Variants in CCDC85A observed in about 807,000 individuals in gnomAD.
CCDC85A encodes coiled-coil domain-containing protein 85A.
In CCDC85A, 38 loss-of-function variants were observed where a neutral mutation model predicts 50.2. The observed-to-expected ratio is 0.76, with a 90% CI of 0.58 to 0.99. The LOEUF (loss-of-function observed/expected upper bound fraction) is 0.99. CCDC85A is among the 50% of genes least tolerant of loss of function. CCDC85A has a pLI of 0.00. For missense variants in CCDC85A, 820 were observed against 742.0 expected (o/e 1.11, Z -1.22); for synonymous variants, 366 against 301.4 (o/e 1.21, Z -2.22).
intron 2 of CCDC85A, among the ~76,000 whole-genome samples, chr2:56,267,193 C>T (rs1262434772): frequency 6.6e-6 from 1 of 152,078 alleles, no homozygotes; most frequent in Non-Finnish European, 1.5e-5. Flanking sequence ...CAATTAACTC[C>T]TCCTCTTCCA....
intron 2 of CCDC85A, among the ~76,000 whole-genome samples, chr2:56,227,646 C>T (rs1252640030): frequency 1.3e-5 from 2 of 152,058 alleles, no homozygotes; most frequent in South Asian, 2.1e-4. Flanking sequence ...TATTATAGCC[C>T]ACAAACCCTG....
chr2:56,278,273 T>A (rs1175406990), intron 2 of CCDC85A, among the ~76,000 whole-genome samples: 1 of 149,892 alleles, frequency 6.7e-6, no homozygotes, highest in Non-Finnish European at 1.5e-5. Context: ...TGAACTGGAC[T>A]TTTTTTTTTC....
At chr2:56,356,731 G>GGAA (rs397723056) in intron 3 of CCDC85A, among the ~76,000 whole-genome samples, 3 of 104,336 alleles carry the variant, frequency 2.9e-5, no homozygotes, top group Non-Finnish European at 2.0e-5. Flanking sequence ...CCATCTCAAG[G>GGAA]AAAAAAAAAA....
chr2:56,251,621 A>T (rs1006768670), intron 2 of CCDC85A, among the ~76,000 whole-genome samples: 1 of 151,748 alleles, frequency 6.6e-6, no homozygotes, highest in Non-Finnish European at 1.5e-5. Context: ...TTGCTGTCTC[A>T]GTGGCAGCTC....
chr2:56,326,893 C>A (rs1673500956), intron 2 of CCDC85A, among the ~76,000 whole-genome samples: 2 of 151,344 alleles, frequency 1.3e-5, no homozygotes, highest in Non-Finnish European at 2.9e-5. Context: ...TTTAAGCATA[C>A]AGAGTTTAGG....
At chr2:56,357,594 C>G (rs1206536089) in intron 3 of CCDC85A, among the ~76,000 whole-genome samples, 1 of 145,580 alleles carries the variant, frequency 6.9e-6, no homozygotes, top group Non-Finnish European at 1.5e-5. Context: ...TGTTCAGTAT[C>G]TTAAGTCTTT....
At chr2:56,206,864 G>T (rs751483559) in intron 2 of CCDC85A, among the ~76,000 whole-genome samples, 2 of 152,224 alleles carry the variant, frequency 1.3e-5, no homozygotes, top group African/African-American at 2.4e-5. Context: ...TCTTGTAAAG[G>T]TTATGCTGAA....
At chr2:56,330,443 T>TATAATG (rs1164757625) in intron 2 of CCDC85A, among the ~76,000 whole-genome samples, 2 of 152,218 alleles carry the variant, frequency 1.3e-5, no homozygotes, top group Non-Finnish European at 2.9e-5. Context: ...AATAATTGCT[T>TATAATG]CAAACTGTCC....
At chr2:56,265,424 A>G (rs1670396565) in intron 2 of CCDC85A, among the ~76,000 whole-genome samples, 1 of 82,874 alleles carries the variant, frequency 1.2e-5, no homozygotes, top group South Asian at 4.4e-4. Context: ...AAAAGGGCAA[A>G]GGACCTGAGT....
At position 56,314,972 on chromosome 2, in the gene CCDC85A, T is replaced by C. The variant is rs1450528822; in HGVS notation, c.1241-27907T>C. 2.6e-5 allele frequency among the ~76,000 whole-genome samples: 4 copies of C among 152,164 alleles called. No homozygotes were observed. In the East Asian group the frequency reaches 7.7e-4, roughly 29 times the overall value. On this transcript the variant is annotated intron_variant, in intron 2 of 5. Coordinates refer to ENST00000407595, the MANE Select transcript of CCDC85A (RefSeq NM_001080433.2). Reference sequence around the variant, plus strand: ...TGTTCCTCCTTCCCTTCCCAGAGCCTGGTGTTGGTCTTAAAGTCAGCCTCC... The same window carrying C: ...TGTTCCTCCTTCCCTTCCCAGAGCCCGGTGTTGGTCTTAAAGTCAGCCTCC...
intron 2 of CCDC85A, among the ~76,000 whole-genome samples, chr2:56,231,643 G>T (rs909463433): frequency 2.0e-5 from 3 of 152,020 alleles, no homozygotes; most frequent in African/African-American, 7.2e-5. Context: ...TTTTTTAATG[G>T]GGTGCCTAAA....
chr2:56,343,404 G>A (rs1674472374), intron 3 of CCDC85A, among the ~76,000 whole-genome samples: 1 of 152,216 alleles, frequency 6.6e-6, no homozygotes, highest in South Asian at 2.1e-4. Flanking sequence ...AAAATTCTTT[G>A]TGGTATAATT....
chr2:56,361,181 G>C (rs1573339897), intron 3 of CCDC85A, among the ~76,000 whole-genome samples: 2 of 152,210 alleles, frequency 1.3e-5, no homozygotes, highest in South Asian at 4.2e-4. Flanking sequence ...GCGAACCCAG[G>C]AGGCGGAGCT....
At chr2:56,188,289 T>C (rs773636550) in intron 1 of CCDC85A, among the ~76,000 whole-genome samples, 23 of 152,192 alleles carry the variant, frequency 1.5e-4, no homozygotes, top group Non-Finnish European at 2.9e-4. Context: ...CAGAACTGAA[T>C]AGTAAATAAT....
chr2:56,205,732 A>G (rs1013966564), intron 2 of CCDC85A, among the ~76,000 whole-genome samples: 1 of 152,192 alleles, frequency 6.6e-6, no homozygotes, highest in Admixed American at 6.5e-5. Flanking sequence ...GAGAATAAAC[A>G]CATACTCATT....
chr2:56,336,242 C>T (rs1394863427), intron 2 of CCDC85A, among the ~76,000 whole-genome samples: 1 of 152,120 alleles, frequency 6.6e-6, no homozygotes, highest in Non-Finnish European at 1.5e-5. Context: ...GCAACCTCCA[C>T]CTCCCAGGTT....
intron 2 of CCDC85A, among the ~76,000 whole-genome samples, chr2:56,218,937 C>A (rs1278967175): frequency 6.6e-6 from 1 of 151,594 alleles, no homozygotes; most frequent in Non-Finnish European, 1.5e-5. Flanking sequence ...TCATTTTATT[C>A]ATCTATAAAG....
chr2:56,188,598 T>A (rs1031015982), intron 1 of CCDC85A, among the ~76,000 whole-genome samples: 2 of 152,264 alleles, frequency 1.3e-5, no homozygotes, highest in Non-Finnish European at 2.9e-5. Flanking sequence ...AACTAAATGT[T>A]GAATAATTTT....
At chr2:56,286,560 T>C (rs1309251515) in intron 2 of CCDC85A, among the ~76,000 whole-genome samples, 1 of 152,208 alleles carries the variant, frequency 6.6e-6, no homozygotes, top group East Asian at 1.9e-4. Context: ...AGAATTGGCT[T>C]TCTTTTATAT....
Sources: allele counts gnomAD v4.1 joint callset (sites outside exome capture counted in the v4.1 genomes callset), GRCh38; gene constraint gnomAD v4.1.1; transcripts MANE v1.5; gene names NCBI Gene and HGNC (gene_info 2026-07-23, HGNC 2026-07-21).